Variants in NARF observed in about 807,000 individuals in gnomAD.
The protein encoded by NARF is iron-only hydrogenase-like protein 2.
Under a neutral mutation model 48.0 loss-of-function variants are expected in NARF, and 41 were observed. The observed-to-expected ratio is 0.85, with a 90% CI of 0.66 to 1.11. The LOEUF (loss-of-function observed/expected upper bound fraction) is 1.11, where lower values mean the gene tolerates loss of function less well. Ranked by LOEUF, NARF falls within the 50% of genes least tolerant of loss-of-function variation. The pLI, the probability that NARF is intolerant of heterozygous loss-of-function variation, is 0.00. For synonymous variants in NARF, 215 were observed against 225.5 expected, an observed-to-expected ratio of 0.95 and a Z score of 0.42; for missense variants, 613 against 590.2, an observed-to-expected ratio of 1.04 and a Z score of -0.40.
chr17:82,461,288 G>A (rs572761778), intron 2 of NARF, among the ~76,000 whole-genome samples: 15 of 151,784 alleles, frequency 9.9e-5, no homozygotes, highest in African/African-American at 3.6e-4. Context: ...TCTGTTTATT[G>A]GATACATAAC....
intron 1 of NARF, chr17:82,459,483 T>G (rs12051562): frequency 0.45 from 68,546 of 153,148 alleles, 16,750 homozygotes; most frequent in East Asian, 0.92. Context: ...GCCTGTGGGG[T>G]GAAGGCTACA....
chr17:82,471,521 G>A (rs1012324742), intron 4 of NARF, among the ~76,000 whole-genome samples: 65 of 149,536 alleles, frequency 4.3e-4, no homozygotes, highest in South Asian at 2.1e-4. Flanking sequence ...TGCCGGGCGC[G>A]GTGGCTCACG....
Position 82,483,766 on chromosome 17 carries a change from GC to G in NARF, c.822del (p.Val275SerfsTer8), listed in dbSNP as rs779736758. The G allele has an allele frequency of 6.2e-7, 1 of 1,613,748 alleles. No individual in the cohort carries two copies. Among genetic ancestry groups the G allele is most frequent in the East Asian group, 2.2e-5 (1 of 44,876 alleles). Reference protein sequence around the residue: ...EQGDLSVRDAAVDTLFGDLKE... With the variant: ...EQGDLSVRDAXVDTLFGDLKE... Reference sequence around the variant, plus strand: ...AGGTGACCTCTCAGTGAGAGATGCTGCCGTCGACACTCTGTAAGTGGCTTCT... The same window carrying G: ...AGGTGACCTCTCAGTGAGAGATGCTGCGTCGACACTCTGTAAGTGGCTTCT... On this transcript the variant is annotated frameshift_variant, in exon 8 of 11. Coordinates refer to ENST00000309794, the MANE Select transcript of NARF (RefSeq NM_012336.4). LOFTEE classifies it high-confidence loss of function.
intron 10 of NARF, 119 bp from the exon 11 acceptor site, chr17:82,487,797 C>CAAA: frequency 1.6e-5 from 8 of 505,634 alleles, no homozygotes; most frequent in Non-Finnish European, 2.7e-5. Context: ...CCAATCTCTA[C>CAAA]AAAAAATTTA....
intron 6 of NARF, 107 bp downstream of exon 6, chr17:82,479,025 C>A: frequency 2.0e-6 from 2 of 1,003,518 alleles, no homozygotes; most frequent in Non-Finnish European, 2.9e-6. Flanking sequence ...CACGGCCCCC[C>A]AGGTGAGCAA....
intron 3 of NARF, among the ~76,000 whole-genome samples, chr17:82,465,184 GACTC>G (rs1027202891): frequency 8.5e-5 from 13 of 152,234 alleles, no homozygotes; most frequent in Non-Finnish European, 1.5e-4. Context: ...ATCTTGTGAG[GACTC>G]ACTCACTATC....
chr17:82,471,311 C>T (rs1418150618), intron 4 of NARF, among the ~76,000 whole-genome samples: 9 of 151,200 alleles, frequency 6.0e-5, no homozygotes, highest in African/African-American at 1.5e-4. Context: ...AAAAAGTAGC[C>T]GGGCGTGGTG....
chr17:82,487,788 C>CAAA, intron 10 of NARF, 128 bp from the exon 11 acceptor site: 4 of 759,778 alleles, frequency 5.3e-6, no homozygotes, highest in Non-Finnish European at 8.3e-6. Context: ...CCCTCCCGCC[C>CAAA]AATCTCTACA....
chr17:82,463,446 T>C lies in NARF; in HGVS notation c.109-841T>C, dbSNP rs1451709357. 4 of 151,334 alleles carry C rather than the reference T, an allele frequency of 2.6e-5. No homozygotes were observed. In the East Asian group the frequency reaches 5.9e-4, roughly 22 times the overall value. 9.4% of individuals were successfully genotyped at this position (151,334 alleles called of 1,614,324 possible). A position where few individuals can be genotyped will look rare whatever the true frequency, so the allele number is the denominator to read the frequency against. On this transcript the variant is annotated intron_variant, in intron 2 of 10. Transcript: ENST00000309794. The stretch of plus-strand genomic sequence containing the variant: ...GGGAGGGAAGAGACGGGTGAGGGGG[T>C]GGTGCTGTTTTAGCAGGTGTTGGAC...
chr17:82,458,758 C>G lies in NARF; in HGVS notation c.-46C>G. 2.7e-6 allele frequency: 4 copies of G among 1,480,272 alleles called. No individual in the cohort carries two copies. The highest frequency in any genetic ancestry group is 3.6e-6 in the Non-Finnish European group (4 of 1,121,576). The allele number at this position is 1,480,272 out of a possible 1,614,324, so 91.7% of individuals were successfully genotyped here. A position where few individuals can be genotyped will look rare whatever the true frequency, so the allele number is the denominator to read the frequency against. ...GCAGTGGTGTCCCAGTCTCCCGGTGCTTCCCTGAGGCTGAGGCGCCCGGCC... is the reference window on the plus strand; with the variant it reads ...GCAGTGGTGTCCCAGTCTCCCGGTGGTTCCCTGAGGCTGAGGCGCCCGGCC... On this transcript the variant is annotated 5_prime_UTR_variant, in exon 1 of 11. Transcript: ENST00000309794.
At position 82,458,821 on chromosome 17, in the gene NARF, C is replaced by T. The variant is rs2043352093; in HGVS notation, c.18C>T (p.Cys6=). The change falls in exon 1 of 11, where the codon TGC becomes TGT. Residue 6 remains cysteine (C), a synonymous_variant. Coordinates refer to ENST00000309794, the MANE Select transcript of NARF (RefSeq NM_012336.4). MKCEH[C]TRKECSKKTK... is the part of the protein sequence containing the mutation. ...CGCTCCAGATGAAGTGTGAGCACTGCACGCGCAAGGTGAGCGCCGCGGGCC... is the reference window on the plus strand; with the variant it reads ...CGCTCCAGATGAAGTGTGAGCACTGTACGCGCAAGGTGAGCGCCGCGGGCC... 2 of 1,425,210 alleles carry T rather than the reference C, an allele frequency of 1.4e-6. No homozygotes were observed. The highest frequency in any genetic ancestry group is 3.1e-5 in the South Asian group (2 of 64,940). The allele number at this position is 1,425,210 out of a possible 1,614,324, so 88.3% of individuals were successfully genotyped here.
In NARF at chr17:82,489,060, G is replaced by C. The variant is rs1380249230; in HGVS notation, c.*903G>C. 1 of 153,182 alleles carries C rather than the reference G, an allele frequency of 6.5e-6. No individual in the cohort carries two copies. The highest frequency in any genetic ancestry group is 1.5e-5 in the Non-Finnish European group (1 of 68,518). 9.5% of individuals were successfully genotyped at this position (153,182 alleles called of 1,614,324 possible). A position where few individuals can be genotyped will look rare whatever the true frequency, so the allele number is the denominator to read the frequency against. ...AGCCTTTTAGAATCAGGAGACTTACGTACAAATCTGGATTTTCAGCTTTTC... is the reference window on the plus strand; with the variant it reads ...AGCCTTTTAGAATCAGGAGACTTACCTACAAATCTGGATTTTCAGCTTTTC... On this transcript the variant is annotated 3_prime_UTR_variant, in exon 11 of 11. Coordinates refer to ENST00000309794, the MANE Select transcript of NARF (RefSeq NM_012336.4).
intron 2 of NARF, chr17:82,462,849 T>A (rs531553800): frequency 6.6e-6 from 1 of 152,666 alleles, no homozygotes; most frequent in African/African-American, 2.4e-5. Context: ...GAGGAGGCAC[T>A]GCTGGGTGAG....
chr17:82,484,807 T>G lies in NARF; in HGVS notation c.834-6T>G, dbSNP rs12103494. ...TGAAGGACTTGTATTTTCTCTGCCT[T>G]GTGAGGTTTGGAGACTTGAAGGAGG... On this transcript the variant is annotated splice_polypyrimidine_tract_variant and splice_region_variant and intron_variant, in intron 8 of 10. Transcript: ENST00000309794. 47,147 of 1,590,164 alleles carry G rather than the reference T, an allele frequency of 0.03. 922 individuals are homozygous for G. The highest frequency in any genetic ancestry group is 0.073 in the South Asian group (6,453 of 88,130).
At position 82,465,040 on chromosome 17, in the gene NARF, C is replaced by T. The variant is rs117772322; in HGVS notation, c.252+610C>T. 9.9e-5 allele frequency among the ~76,000 whole-genome samples: 15 copies of T among 152,274 alleles called. No individual in the cohort carries two copies. The East Asian group carries it at 2.9e-3, about 29-fold the overall frequency. ...TAATTGACTCACAGTTCCACAGGAT[C>T]TACAGGAGACATGGCTGGGGAGGCC... On this transcript the variant is annotated intron_variant, in intron 3 of 10. Coordinates refer to ENST00000309794, the MANE Select transcript of NARF (RefSeq NM_012336.4).
At position 82,489,136 on chromosome 17, in the gene NARF, G is replaced by T. The variant is rs1426484972; in HGVS notation, c.*979G>T. 1 of 155,072 alleles carries T rather than the reference G, an allele frequency of 6.4e-6. No individual in the cohort carries two copies. Among genetic ancestry groups the T allele is most frequent in the East Asian group, 1.9e-4 (1 of 5,244 alleles). 9.6% of individuals were successfully genotyped at this position (155,072 alleles called of 1,614,324 possible). ...CAGTAGGCCCCATTCCTCACAGCCA[G>T]TCACCACCCTCCTCCCATTCCTCAC... is the stretch of plus-strand genomic sequence containing the variant. On this transcript the variant is annotated 3_prime_UTR_variant, in exon 11 of 11. Coordinates refer to ENST00000309794, the MANE Select transcript of NARF (RefSeq NM_012336.4).
At chr17:82,487,622 T>C (rs1197238396) in intron 10 of NARF, among the ~76,000 whole-genome samples, 2 of 152,112 alleles carry the variant, frequency 1.3e-5, no homozygotes, top group Non-Finnish European at 1.5e-5. Flanking sequence ...TCCCCTTTAT[T>C]CCTCTCCTGC....
At chr17:82,465,640 TG>T (rs1349179130) in intron 3 of NARF, among the ~76,000 whole-genome samples, 1 of 152,126 alleles carries the variant, frequency 6.6e-6, no homozygotes, top group African/African-American at 2.4e-5. Context: ...AGAGTCTCAG[TG>T]GGGAGACTCT....
rs2044176617 is a variant in NARF at position 82,490,503 on chromosome 17, C to T, written c.*2346C>T. 1 of 152,264 alleles carries T rather than the reference C, an allele frequency of 6.6e-6. No individual in the cohort carries two copies. Among genetic ancestry groups the T allele is most frequent in the African/African-American group, 2.4e-5 (1 of 41,462 alleles). The allele number at this position is 152,264 out of a possible 1,614,324, so 9.4% of individuals were successfully genotyped here. On this transcript the variant is annotated 3_prime_UTR_variant, in exon 11 of 11. Coordinates refer to ENST00000309794, the MANE Select transcript of NARF (RefSeq NM_012336.4). ...TTCAGTCTATATACAGTTGGGTTTC[C>T]AACCTCTGATTCTGGAATAAACAGT...
Sources: allele counts gnomAD v4.1 joint callset (sites outside exome capture counted in the v4.1 genomes callset), GRCh38; gene constraint gnomAD v4.1.1; transcripts MANE v1.5; gene names NCBI Gene and HGNC (gene_info 2026-07-23, HGNC 2026-07-21).